SH3KBP1: variants seen among roughly 807,000 people sequenced by gnomAD.
The protein encoded by SH3KBP1 is SH3 domain-containing kinase-binding protein 1.
SH3KBP1 carries 8 observed loss-of-function variants against 50.1 expected under a neutral mutation model. That is an observed-to-expected ratio of 0.16 (90% confidence interval 0.09 to 0.29). The LOEUF is 0.29. Among genes scored for constraint, SH3KBP1 ranks in the 10% least tolerant of loss-of-function variants. SH3KBP1 has a pLI of 1.00. For missense variants in SH3KBP1, 377 were observed against 535.2 expected, an observed-to-expected ratio of 0.70 and a Z score of 2.92; for synonymous variants, 227 against 218.6, an observed-to-expected ratio of 1.04 and a Z score of -0.34.
chrX:19,819,071 C>T (rs1479508531), intron 2 of SH3KBP1, among the ~76,000 whole-genome samples: 1 of 112,043 alleles, frequency 8.9e-6, no homozygotes, highest in Non-Finnish European at 1.9e-5. Context: ...TTTTACATGA[C>T]AAATTCAATT....
chrX:19,794,590 C>G (rs1374231755), intron 2 of SH3KBP1, among the ~76,000 whole-genome samples: 1 of 110,311 alleles, frequency 9.1e-6, no homozygotes, highest in East Asian at 2.8e-4. Context: ...GGAGTCCCAG[C>G]ATCTCGGGAG....
intron 12 of SH3KBP1, among the ~76,000 whole-genome samples, chrX:19,586,737 G>A (rs756195795): frequency 4.4e-4 from 49 of 111,804 alleles, no homozygotes; most frequent in Non-Finnish European, 6.6e-4. Context: ...CTACTTGAAT[G>A]GGCTCACACG....
chrX:19,752,812 C>T (rs1472467119), intron 2 of SH3KBP1, among the ~76,000 whole-genome samples: 1 of 112,439 alleles, frequency 8.9e-6, no homozygotes, highest in African/African-American at 3.2e-5. Context: ...GTCAGACATA[C>T]ACAAAGCTAG....
chrX:19,669,903 T>C (rs1480825122), intron 6 of SH3KBP1, among the ~76,000 whole-genome samples: 1 of 110,247 alleles, frequency 9.1e-6, no homozygotes, highest in Non-Finnish European at 1.9e-5. Context: ...TTTTTTTTTT[T>C]GTAATTTTGA....
chrX:19,879,118 A>C (rs2069356435), intron 1 of SH3KBP1, among the ~76,000 whole-genome samples: 1 of 112,152 alleles, frequency 8.9e-6, no homozygotes, highest in South Asian at 3.6e-4. Flanking sequence ...GGTGGCACGC[A>C]CATGTAGTCC....
intron 6 of SH3KBP1, among the ~76,000 whole-genome samples, chrX:19,654,416 G>C (rs897535734): frequency 6.3e-5 from 7 of 111,354 alleles, no homozygotes; most frequent in African/African-American, 2.3e-4. Context: ...AAGTGGAGAA[G>C]GTACAGTCAG....
At chrX:19,839,647 A>G (rs1243015961) in intron 1 of SH3KBP1, among the ~76,000 whole-genome samples, 1 of 112,408 alleles carries the variant, frequency 8.9e-6, no homozygotes, top group Non-Finnish European at 1.9e-5. Flanking sequence ...AACTTAAGTA[A>G]TCATGCACAG....
At chrX:19,665,280 C>T (rs1189294188) in intron 6 of SH3KBP1, among the ~76,000 whole-genome samples, 1 of 112,125 alleles carries the variant, frequency 8.9e-6, no homozygotes, top group Non-Finnish European at 1.9e-5. Context: ...TTTTAAATGA[C>T]AAAACAGAAA....
chrX:19,654,560 A>C (rs1478518185), intron 6 of SH3KBP1, among the ~76,000 whole-genome samples: 4 of 112,171 alleles, frequency 3.6e-5, no homozygotes, highest in Non-Finnish European at 7.5e-5. Flanking sequence ...TTATTCACAG[A>C]GGATGAACGA....
Position 19,695,602 on chromosome X carries a change from A to T in SH3KBP1, c.520+10T>A, listed in dbSNP as rs768578314. 8.3e-7 allele frequency: 1 copy of T among 1,208,438 alleles called. No homozygotes were observed. ...GCCCCTCTCCTGCTTGGTAGGGTAG[A>T]CTTCCTTACTTGACTTGGATAGCTG... is the stretch of plus-strand genomic sequence containing the variant. On this transcript the variant is annotated intron_variant, in intron 5 of 17. Transcript: ENST00000397821.
intron 2 of SH3KBP1, among the ~76,000 whole-genome samples, chrX:19,752,247 G>A (rs1394202711): frequency 8.9e-6 from 1 of 111,823 alleles, no homozygotes; most frequent in Non-Finnish European, 1.9e-5. Context: ...TCTGAGGTGT[G>A]ACCTTGGGGG....
chrX:19,878,472 TTG>T (rs56786885), intron 1 of SH3KBP1, among the ~76,000 whole-genome samples: 35,010 of 72,678 alleles, frequency 0.48, 8,200 homozygotes, highest in South Asian at 0.78. Flanking sequence ...CCTGGCTAAT[TTG>T]TGTGTGTGTG....
chrX:19,830,860 A>G (rs1405328351), intron 2 of SH3KBP1, among the ~76,000 whole-genome samples: 1 of 112,342 alleles, frequency 8.9e-6, no homozygotes, highest in African/African-American at 3.2e-5. Flanking sequence ...ATAAGGACAA[A>G]CTAAATAAAA....
At chrX:19,868,203 G>A (rs927889814) in intron 1 of SH3KBP1, among the ~76,000 whole-genome samples, 8 of 111,768 alleles carry the variant, frequency 7.2e-5, no homozygotes, top group African/African-American at 1.3e-4. Flanking sequence ...CCTACTGTGC[G>A]CCGGGATCTT....
chrX:19,755,650 T>C (rs1486618385), intron 2 of SH3KBP1, among the ~76,000 whole-genome samples: 1 of 111,558 alleles, frequency 9.0e-6, no homozygotes, highest in Non-Finnish European at 1.9e-5. Context: ...CGTCTCATAT[T>C]GTTTTATACT....
intron 6 of SH3KBP1, among the ~76,000 whole-genome samples, chrX:19,666,751 G>A (rs1328857324): frequency 4.5e-5 from 5 of 111,355 alleles, no homozygotes; most frequent in African/African-American, 9.8e-5. Context: ...GACTTCCACC[G>A]AGTGAAACAA....
chrX:19,692,673 G>GTATA (rs1235922665), intron 5 of SH3KBP1, among the ~76,000 whole-genome samples: 2 of 76,632 alleles, frequency 2.6e-5, no homozygotes, highest in African/African-American at 5.5e-5. Flanking sequence ...GTGTGTGTAT[G>GTATA]TATATATATA....
intron 2 of SH3KBP1, among the ~76,000 whole-genome samples, chrX:19,811,965 G>A (rs1448963776): frequency 8.9e-6 from 1 of 111,757 alleles, no homozygotes; most frequent in Non-Finnish European, 1.9e-5. Flanking sequence ...ACTGAGCATG[G>A]CTCTTAGGAA....
chrX:19,685,651 G>A (rs1226929944), intron 5 of SH3KBP1, among the ~76,000 whole-genome samples: 1 of 111,715 alleles, frequency 9.0e-6, no homozygotes, highest in Admixed American at 9.5e-5. Flanking sequence ...CATTGTTTTT[G>A]CAAATATCCC....
Sources: allele counts gnomAD v4.1 joint callset (sites outside exome capture counted in the v4.1 genomes callset), GRCh38; gene constraint gnomAD v4.1.1; transcripts MANE v1.5; gene names NCBI Gene and HGNC (gene_info 2026-07-23, HGNC 2026-07-21).